EPC2: variants seen among roughly 807,000 people sequenced by gnomAD.
EPC2 encodes enhancer of polycomb 2.
In EPC2, 14 loss-of-function variants were observed where a neutral mutation model predicts 92.1. That is an observed-to-expected ratio of 0.15 (90% CI 0.10 to 0.24). The LOEUF is 0.24. Ranked by LOEUF, EPC2 falls within the 10% of genes least tolerant of loss-of-function variation. EPC2 has a pLI of 1.00. For synonymous variants in EPC2, 340 were observed against 334.7 expected, an observed-to-expected ratio of 1.02 and a Z score of -0.17; for missense variants, 755 against 971.5, an observed-to-expected ratio of 0.78 and a Z score of 2.96.
At chr2:148,703,144 A>G (rs889440960) in intron 2 of EPC2, among the ~76,000 whole-genome samples, 1 of 151,948 alleles carries the variant, frequency 6.6e-6, no homozygotes, top group Admixed American at 6.6e-5. Flanking sequence ...TGTGTTTGGT[A>G]TTTTTTTTCC....
At chr2:148,757,304 A>T (rs1316231652) in intron 4 of EPC2, among the ~76,000 whole-genome samples, 1 of 152,136 alleles carries the variant, frequency 6.6e-6, no homozygotes, top group African/African-American at 2.4e-5. Context: ...TGAACCCGGG[A>T]GGCGGAGGTT....
chr2:148,684,683 C>T (rs1342427857), intron 1 of EPC2, among the ~76,000 whole-genome samples: 1 of 152,216 alleles, frequency 6.6e-6, no homozygotes, highest in Non-Finnish European at 1.5e-5. Context: ...AAACTTTCCT[C>T]TACAGCGGAT....
intron 2 of EPC2, among the ~76,000 whole-genome samples, chr2:148,743,199 ACT>A (rs928367195): frequency 5.0e-4 from 75 of 150,120 alleles, no homozygotes; most frequent in Middle Eastern, 6.9e-3. Context: ...TTATGCCAAC[ACT>A]CTTTTTTTTT....
chr2:148,762,983 C>T (rs1356253409), intron 6 of EPC2, among the ~76,000 whole-genome samples, 181 bp downstream of exon 6: 2 of 152,098 alleles, frequency 1.3e-5, no homozygotes, highest in Non-Finnish European at 2.9e-5. Context: ...AATTAATCCT[C>T]ATAACAACCC....
rs866615761 is a variant in EPC2 at position 148,681,995 on chromosome 2, G to T, written c.154-8219G>T. Reference sequence around the variant, plus strand: ...TGTTTGGTTTTTTGTCCTTGTGATAGTTTGCTCAGAATGATGGTGTCCAGC... The same window carrying T: ...TGTTTGGTTTTTTGTCCTTGTGATATTTTGCTCAGAATGATGGTGTCCAGC... On this transcript the variant is annotated intron_variant, in intron 1 of 13. Coordinates refer to ENST00000258484, the MANE Select transcript of EPC2 (RefSeq NM_015630.4). 4.6e-5 allele frequency among the ~76,000 whole-genome samples: 7 copies of T among 152,240 alleles called. No individual in the cohort carries two copies. In the South Asian group the frequency reaches 6.2e-4, roughly 14 times the overall value.
At chr2:148,648,763 G>A (rs571467875) in intron 1 of EPC2, among the ~76,000 whole-genome samples, 1 of 152,282 alleles carries the variant, frequency 6.6e-6, no homozygotes, top group South Asian at 2.1e-4. Flanking sequence ...TTCTGACTGA[G>A]TTACATTCTG....
chr2:148,776,070 C>T lies in EPC2; in HGVS notation c.1720+4683C>T, dbSNP rs545111052. Among the ~76,000 whole-genome samples the T allele has an allele frequency of 4.6e-5, 7 of 152,080 alleles. No homozygotes were observed. The East Asian group carries it at 5.8e-4, about 13-fold the overall frequency. ...TGCTGGGATTACAGGTGTGAGCCACCGCGCCCGGCCAATATGACTAATTTC... is the reference window on the plus strand; with the variant it reads ...TGCTGGGATTACAGGTGTGAGCCACTGCGCCCGGCCAATATGACTAATTTC... On this transcript the variant is annotated intron_variant, in intron 10 of 13. Transcript: ENST00000258484.
At chr2:148,741,796 TCAAA>T (rs997844502) in intron 2 of EPC2, among the ~76,000 whole-genome samples, 7 of 152,326 alleles carry the variant, frequency 4.6e-5, no homozygotes, top group African/African-American at 1.7e-4. Flanking sequence ...GCTTAAAATG[TCAAA>T]CAATACAAAT....
intron 2 of EPC2, among the ~76,000 whole-genome samples, chr2:148,697,709 C>T (rs1388925210): frequency 6.6e-6 from 1 of 152,196 alleles, no homozygotes; most frequent in African/African-American, 2.4e-5. Flanking sequence ...CATTCAAACA[C>T]ATGCATGCAT....
chr2:148,674,635 G>C (rs1681227399), intron 1 of EPC2, among the ~76,000 whole-genome samples: 1 of 152,182 alleles, frequency 6.6e-6, no homozygotes, highest in African/African-American at 2.4e-5. Context: ...CAGAATGTTG[G>C]ACATAGGTTT....
chr2:148,703,794 G>A (rs551116792), intron 2 of EPC2, among the ~76,000 whole-genome samples: 1 of 152,286 alleles, frequency 6.6e-6, no homozygotes, highest in Non-Finnish European at 1.5e-5. Flanking sequence ...GACCCCCAAA[G>A]TGTTGGGATT....
chr2:148,710,168 A>G (rs998430589), intron 2 of EPC2, among the ~76,000 whole-genome samples: 1 of 151,450 alleles, frequency 6.6e-6, no homozygotes, highest in Non-Finnish European at 1.5e-5. Flanking sequence ...ATCAAACAAC[A>G]CCATCAAAAA....
intron 7 of EPC2, 80 bp from the exon 8 acceptor site, chr2:148,769,071 C>A (rs1683468009): frequency 2.2e-6 from 2 of 920,284 alleles, no homozygotes; most frequent in African/African-American, 1.6e-5. Context: ...TGTTTGTGAT[C>A]AGATTTACAT....
chr2:148,688,991 A>G (rs141120169), intron 1 of EPC2, among the ~76,000 whole-genome samples: 1 of 152,098 alleles, frequency 6.6e-6, no homozygotes, highest in African/African-American at 2.4e-5. Flanking sequence ...GAGGAGGAGT[A>G]CTCTTTTAGA....
intron 2 of EPC2, among the ~76,000 whole-genome samples, chr2:148,742,933 CTT>C (rs1682906712): frequency 6.6e-6 from 1 of 151,792 alleles, no homozygotes; most frequent in African/African-American, 2.4e-5. Context: ...TATAGTACAT[CTT>C]TTTCTTTTTG....
chr2:148,691,107 T>C (rs1681636640), intron 2 of EPC2, among the ~76,000 whole-genome samples: 1 of 152,150 alleles, frequency 6.6e-6, no homozygotes, highest in South Asian at 2.1e-4. Flanking sequence ...CTCTTACTTT[T>C]CTCCCACTGT....
In EPC2 at chr2:148,784,685, T is replaced by C; in HGVS notation, c.2035T>C (p.Tyr679His). Residue 679 changes from tyrosine (Y) to histidine (H), a missense_variant, in exon 13 of 14, where the codon TAC becomes CAC. Tyr to His is a moderately conservative substitution (Grantham distance 83). This residue lies in a region of EPC2 where 207 missense variants were observed against 260.5 expected (regional missense o/e 0.79). Transcript: ENST00000258484. ...TTTTTCAGGAACCTCTAAAACATTA[T>C]ACTCCACCAATATGGCTTTATCATC... is the stretch of plus-strand genomic sequence containing the variant. ...VQPSGTSKTL[Y>H]STNMALSSSP... 6.2e-7 allele frequency: 1 copy of C among 1,608,810 alleles called. No individual in the cohort carries two copies. The highest frequency in any genetic ancestry group is 8.5e-7 in the Non-Finnish European group (1 of 1,177,348).
intron 2 of EPC2, among the ~76,000 whole-genome samples, chr2:148,715,492 A>G (rs1265368944): frequency 2.0e-5 from 3 of 152,206 alleles, no homozygotes; most frequent in African/African-American, 7.2e-5. Flanking sequence ...TTCTTTCCCC[A>G]TTGCTTGTTT....
chr2:148,786,523 A>G lies in EPC2; in HGVS notation c.*146A>G. ...ATATTGGATGTTAAATCCATATATGATGTATATTTTGTAAAATTGGGAAAA... is the reference window on the plus strand; with the variant it reads ...ATATTGGATGTTAAATCCATATATGGTGTATATTTTGTAAAATTGGGAAAA... On this transcript the variant is annotated 3_prime_UTR_variant, in exon 14 of 14. Coordinates refer to ENST00000258484, the MANE Select transcript of EPC2 (RefSeq NM_015630.4). 1 of 516,346 alleles carries G rather than the reference A, an allele frequency of 1.9e-6. No individual in the cohort carries two copies. The highest frequency in any genetic ancestry group is 4.1e-5 in the South Asian group (1 of 24,192). The allele number at this position is 516,346 out of a possible 1,614,324, so 32.0% of individuals were successfully genotyped here. A position where few individuals can be genotyped will look rare whatever the true frequency, so the allele number is the denominator to read the frequency against.
Sources: allele counts gnomAD v4.1 joint callset (sites outside exome capture counted in the v4.1 genomes callset), GRCh38; gene constraint gnomAD v4.1.1; regional missense constraint gnomAD v4.1.1; transcripts MANE v1.5; gene names NCBI Gene and HGNC (gene_info 2026-07-23, HGNC 2026-07-21).